The following CADPS variants were observed in gnomAD, a reference collection of about 807,000 sequenced individuals.
CADPS encodes the protein calcium dependent secretion activator.
A neutral mutation model predicts 167.3 loss-of-function variants in CADPS; 57 were observed. That is an observed-to-expected ratio of 0.34 (90% CI 0.28 to 0.42). CADPS has a LOEUF of 0.42. Ranked by LOEUF, CADPS falls within the 20% of genes least tolerant of loss-of-function variation. CADPS has a pLI of 1.00. For missense variants in CADPS, 1,414 were observed against 1,738.1 expected, an observed-to-expected ratio of 0.81 and a Z score of 3.32; for synonymous variants, 676 against 635.3, an observed-to-expected ratio of 1.06 and a Z score of -0.96.
At chr3:62,676,159 T>G (rs1221566916) in intron 3 of CADPS, among the ~76,000 whole-genome samples, 1 of 152,132 alleles carries the variant, frequency 6.6e-6, no homozygotes, top group African/African-American at 2.4e-5. Context: ...CAGAATTGAT[T>G]TGTAAAATGA....
intron 12 of CADPS, among the ~76,000 whole-genome samples, chr3:62,535,433 C>G (rs1457144572): frequency 6.7e-6 from 1 of 148,746 alleles, no homozygotes; most frequent in Non-Finnish European, 1.5e-5. Context: ...GCTTTTGGTA[C>G]AAAAAAAGAA....
At chr3:62,858,503 G>C (rs2080132357) in intron 1 of CADPS, among the ~76,000 whole-genome samples, 1 of 152,052 alleles carries the variant, frequency 6.6e-6, no homozygotes, top group Admixed American at 6.6e-5. Context: ...GAACTCAGCT[G>C]TATCTACTTC....
intron 3 of CADPS, among the ~76,000 whole-genome samples, chr3:62,726,489 G>A (rs990413527): frequency 2.6e-5 from 4 of 151,778 alleles, no homozygotes; most frequent in African/African-American, 9.7e-5. Context: ...ACAAATATCA[G>A]GTGGATTGAG....
At chr3:62,791,236 T>C (rs761394272) in intron 1 of CADPS, among the ~76,000 whole-genome samples, 13 of 152,204 alleles carry the variant, frequency 8.5e-5, no homozygotes, top group Non-Finnish European at 1.2e-4. Flanking sequence ...AAGTGCTCTA[T>C]ATCTGCACTG....
intron 3 of CADPS, among the ~76,000 whole-genome samples, chr3:62,704,618 C>T (rs2082005099): frequency 6.6e-6 from 1 of 152,074 alleles, no homozygotes; most frequent in Non-Finnish European, 1.5e-5. Context: ...GATGGATTTG[C>T]TACACTGAAG....
Position 62,874,875 on chromosome 3 carries a change from C to G in CADPS, c.155G>C (p.Gly52Ala). 1 of 1,160,240 alleles carries G rather than the reference C, an allele frequency of 8.6e-7. No homozygotes were observed. Among genetic ancestry groups the G allele is most frequent in the Non-Finnish European group, 1.1e-6 (1 of 944,444 alleles). The allele number at this position is 1,160,240 out of a possible 1,614,324, so 71.9% of individuals were successfully genotyped here. A position where few individuals can be genotyped will look rare whatever the true frequency, so the allele number is the denominator to read the frequency against. ...SAGSAGLGGG[G>A]AGAGAGVGAG... The stretch of plus-strand genomic sequence containing the variant: ...ACCCACCCCGGCTCCGGCGCCGGCG[C>G]CGCCGCCCCCCAGCCCGGCGCTGCC... The change falls in exon 1 of 30, where the codon GGC becomes GCC. Residue 52 changes from glycine to alanine, a missense_variant. Physicochemically the swap from Gly to Ala is moderately conservative, Grantham distance 60. Coordinates refer to ENST00000383710, the MANE Select transcript of CADPS (RefSeq NM_003716.4). The surrounding 1 kb of genome is among the most constrained non-coding windows in gnomAD (Gnocchi z 7.1).
chr3:62,755,977 G>A (rs1475518482), intron 2 of CADPS, among the ~76,000 whole-genome samples: 1 of 152,058 alleles, frequency 6.6e-6, no homozygotes, highest in East Asian at 1.9e-4. Context: ...ATGATCTCAG[G>A]CCAGGTCTGC....
chr3:62,843,271 A>T (rs537760177), intron 1 of CADPS, among the ~76,000 whole-genome samples: 1 of 152,384 alleles, frequency 6.6e-6, no homozygotes, highest in South Asian at 2.1e-4. Flanking sequence ...AAACAGAAAC[A>T]AGATTTAATG....
chr3:62,626,426 T>C (rs1480066479), intron 6 of CADPS: 9 of 690,842 alleles, frequency 1.3e-5, no homozygotes, highest in Non-Finnish European at 2.1e-5. Flanking sequence ...ACACAGACTA[T>C]AGTGAAATTA....
intron 28 of CADPS, among the ~76,000 whole-genome samples, chr3:62,437,759 TA>T (rs954555598): frequency 6.6e-6 from 1 of 152,114 alleles, no homozygotes; most frequent in African/African-American, 2.4e-5. Flanking sequence ...AATATCTCCC[TA>T]AAGTGAGGCC....
At chr3:62,616,612 T>C (rs527400436) in intron 6 of CADPS, among the ~76,000 whole-genome samples, 1 of 152,284 alleles carries the variant, frequency 6.6e-6, no homozygotes, top group African/African-American at 2.4e-5. Flanking sequence ...CACATCTAGT[T>C]TGCAACCCCA....
chr3:62,513,858 A>T (rs2068403800), intron 16 of CADPS: 1 of 587,386 alleles, frequency 1.7e-6, no homozygotes, highest in Non-Finnish European at 3.0e-6. Flanking sequence ...AGGAGCTTCA[A>T]AATTGGAGAT....
intron 1 of CADPS, among the ~76,000 whole-genome samples, chr3:62,772,158 A>C (rs1248044368): frequency 6.6e-6 from 1 of 152,168 alleles, no homozygotes; most frequent in Non-Finnish European, 1.5e-5. Flanking sequence ...TAAAAACAAT[A>C]CAGGAAGTAT....
rs726186 is a variant in CADPS at position 62,491,574 on chromosome 3, C to A, written c.2885-94G>T. 33 of 979,290 alleles carry A rather than the reference C, an allele frequency of 3.4e-5. No individual in the cohort carries two copies. In the African/African-American group the frequency reaches 4.8e-4, roughly 14 times the overall value. The allele number at this position is 979,290 out of a possible 1,614,324, so 60.7% of individuals were successfully genotyped here. On this transcript the variant is annotated intron_variant, in intron 20 of 29. Coordinates refer to ENST00000383710, the MANE Select transcript of CADPS (RefSeq NM_003716.4). ...ACACACACAAACACACACACACACACACACACACACAGATGATTGATTGTC... is the reference window on the plus strand; with the variant it reads ...ACACACACAAACACACACACACACAAACACACACACAGATGATTGATTGTC...
chr3:62,501,327 C>T (rs541900758), intron 17 of CADPS, among the ~76,000 whole-genome samples: 10 of 152,228 alleles, frequency 6.6e-5, no homozygotes, highest in South Asian at 4.1e-4. Context: ...TAATTTCATT[C>T]GTAGACTTTC....
chr3:62,463,371 A>G (rs777926484), intron 26 of CADPS, among the ~76,000 whole-genome samples: 1 of 152,242 alleles, frequency 6.6e-6, no homozygotes, highest in African/African-American at 2.4e-5. Context: ...AAGTGAAGAC[A>G]CAAAGAAAGC....
chr3:62,731,006 T>C (rs1265801911), intron 3 of CADPS, among the ~76,000 whole-genome samples: 1 of 152,204 alleles, frequency 6.6e-6, no homozygotes, highest in Non-Finnish European at 1.5e-5. Context: ...TGATTAGAGA[T>C]ATAACTATGA....
chr3:62,538,525 A>T (rs571231773), intron 11 of CADPS, among the ~76,000 whole-genome samples: 31 of 152,272 alleles, frequency 2.0e-4, no homozygotes, highest in African/African-American at 6.0e-4. Context: ...CCTCATAAAA[A>T]GCCTCATCCA....
chr3:62,746,512 A>G (rs1230219885), intron 3 of CADPS, among the ~76,000 whole-genome samples: 1 of 152,034 alleles, frequency 6.6e-6, no homozygotes, highest in Non-Finnish European at 1.5e-5. Context: ...AATTTTTTAA[A>G]TGTTTTGTAG....
Sources: gnomAD v4.1 joint callset for allele counts (sites outside exome capture counted in the v4.1 genomes callset) on GRCh38, gnomAD v4.1.1 for gene constraint, Gnocchi (gnomAD v3.1) non-coding constraint, MANE v1.5 for transcripts, NCBI Gene and HGNC (gene_info 2026-07-23, HGNC 2026-07-21) for gene names.